Variants in EPHB1 observed in about 807,000 individuals in gnomAD.
EPHB1 encodes the protein EPH receptor B1.
EPHB1 carries 30 observed loss-of-function variants against 94.4 expected under a neutral mutation model. The ratio of observed to expected loss-of-function variants is 0.32; its 90% CI spans 0.24 to 0.43. The LOEUF (loss-of-function observed/expected upper bound fraction) is 0.43, where lower values mean the gene tolerates loss of function less well. Ranked by LOEUF, EPHB1 falls within the 20% of genes least tolerant of loss-of-function variation. The pLI is 1.00. For missense variants in EPHB1, 1,055 were observed against 1,308.3 expected (o/e 0.81, Z 2.99); for synonymous variants, 522 against 489.1 (o/e 1.07, Z -0.89).
At chr3:134,961,312 A>G (rs953191048) in intron 3 of EPHB1, among the ~76,000 whole-genome samples, 2 of 152,164 alleles carry the variant, frequency 1.3e-5, no homozygotes, top group African/African-American at 4.8e-5. Context: ...AAGGACAGCG[A>G]GTCAAGCACA....
intron 1 of EPHB1, among the ~76,000 whole-genome samples, chr3:134,801,015 A>T (rs555754081): frequency 6.6e-6 from 1 of 152,330 alleles, no homozygotes; most frequent in South Asian, 2.1e-4. Context: ...CTTTGCATGA[A>T]GGAAGACTCA....
intron 5 of EPHB1, among the ~76,000 whole-genome samples, chr3:135,141,347 T>C (rs1003332987): frequency 1.4e-4 from 22 of 152,140 alleles, no homozygotes; most frequent in African/African-American, 5.1e-4. Context: ...TTGTTGTTTA[T>C]GTGCTTAGGC....
intron 2 of EPHB1, among the ~76,000 whole-genome samples, chr3:134,943,095 C>T (rs906076636): frequency 2.0e-5 from 3 of 152,188 alleles, no homozygotes; most frequent in African/African-American, 7.2e-5. Flanking sequence ...CCAGCCCTGC[C>T]ATGGATCCAC....
chr3:135,050,279 A>G (rs1327126481), intron 3 of EPHB1, among the ~76,000 whole-genome samples: 2 of 152,220 alleles, frequency 1.3e-5, no homozygotes, highest in Non-Finnish European at 2.9e-5. Context: ...CTCTCTTGAA[A>G]ATGTAATGAC....
At chr3:135,242,455 G>A (rs1170745989) in intron 13 of EPHB1, among the ~76,000 whole-genome samples, 1 of 152,178 alleles carries the variant, frequency 6.6e-6, no homozygotes, top group African/African-American at 2.4e-5. Flanking sequence ...CATGGCAGCT[G>A]CTCGGAAGAT....
chr3:135,185,429 T>G (rs1372466112), intron 10 of EPHB1, among the ~76,000 whole-genome samples: 1 of 152,196 alleles, frequency 6.6e-6, no homozygotes, highest in Non-Finnish European at 1.5e-5. Flanking sequence ...TCCAGGAACA[T>G]AGTCAAAGTA....
chr3:134,821,801 G>A (rs1445675841), intron 1 of EPHB1, among the ~76,000 whole-genome samples: 1 of 152,146 alleles, frequency 6.6e-6, no homozygotes, highest in Non-Finnish European at 1.5e-5. Flanking sequence ...GGAGGCTGGG[G>A]GAGCCTGTGC....
intron 1 of EPHB1, among the ~76,000 whole-genome samples, chr3:134,859,583 A>G (rs11716854): frequency 0.084 from 12,763 of 152,164 alleles, 553 homozygotes; most frequent in Non-Finnish European, 0.1. Context: ...TGGAACCTAC[A>G]GTGGCTAGTC....
chr3:134,910,558 T>G (rs1440098274), intron 1 of EPHB1, among the ~76,000 whole-genome samples: 1 of 152,168 alleles, frequency 6.6e-6, no homozygotes, highest in Non-Finnish European at 1.5e-5. Context: ...TTTACCAGAG[T>G]ACTCTCCAGA....
intron 4 of EPHB1, among the ~76,000 whole-genome samples, chr3:135,117,656 C>G (rs897662682): frequency 1.3e-5 from 2 of 152,198 alleles, no homozygotes; most frequent in African/African-American, 4.8e-5. Flanking sequence ...GTCAATCTGT[C>G]CCCCCTTCCC....
intron 5 of EPHB1, among the ~76,000 whole-genome samples, chr3:135,143,582 A>G (rs150203977): frequency 1.8e-4 from 28 of 152,316 alleles, no homozygotes; most frequent in Non-Finnish European, 3.8e-4. Context: ...ACTGCCGTTC[A>G]TGATCAATCA....
chr3:135,157,631 TG>T (rs1449307919), intron 6 of EPHB1, among the ~76,000 whole-genome samples: 1 of 152,218 alleles, frequency 6.6e-6, no homozygotes, highest in Admixed American at 6.5e-5. Flanking sequence ...GAAGGTTCTT[TG>T]GGCAAATATT....
chr3:134,924,712 C>G (rs938444470), intron 1 of EPHB1, among the ~76,000 whole-genome samples: 1 of 152,148 alleles, frequency 6.6e-6, no homozygotes, highest in African/African-American at 2.4e-5. Flanking sequence ...GAGTATTACT[C>G]AGCAATAAAA....
chr3:135,061,375 C>CCA (rs1553727859), intron 3 of EPHB1, among the ~76,000 whole-genome samples: 2 of 137,890 alleles, frequency 1.5e-5, no homozygotes, highest in South Asian at 2.7e-4. Context: ...ACCACCCCCC[C>CCA]CGACCCAAGT....
intron 3 of EPHB1, among the ~76,000 whole-genome samples, chr3:134,998,783 G>A (rs553219586): frequency 1.3e-5 from 2 of 152,166 alleles, no homozygotes; most frequent in Non-Finnish European, 2.9e-5. Context: ...CATCAACAGT[G>A]CCTAACACAG....
At chr3:135,154,313 GGCCAGCCACTGTTCCATGGATGGTT>G (rs772046496) in intron 6 of EPHB1, 37 bp downstream of exon 6, 2 of 1,612,490 alleles carry the variant, frequency 1.2e-6, no homozygotes, top group African/African-American at 2.7e-5. Context: ...CAAGACCCAA[GGCCAGCCACTGTTCCATGGATGGTT>G]GCTAGCTGAA....
intron 2 of EPHB1, among the ~76,000 whole-genome samples, chr3:134,927,518 A>G (rs140927642): frequency 5.9e-5 from 9 of 152,362 alleles, no homozygotes; most frequent in African/African-American, 2.2e-4. Context: ...ATGAGGCAGC[A>G]GTTCTTCCAT....
chr3:135,055,816 C>T (rs1576350331), intron 3 of EPHB1, among the ~76,000 whole-genome samples: 2 of 152,320 alleles, frequency 1.3e-5, no homozygotes. Flanking sequence ...AGGGTGAAGG[C>T]TGTCACCACA....
intron 1 of EPHB1, among the ~76,000 whole-genome samples, chr3:134,874,540 A>G (rs1179380913): frequency 6.6e-6 from 1 of 152,232 alleles, no homozygotes; most frequent in East Asian, 1.9e-4. Context: ...CACTTGAAAT[A>G]TCGGCAACAG....
Sources: gnomAD v4.1 joint callset for allele counts (sites outside exome capture counted in the v4.1 genomes callset) on GRCh38, gnomAD v4.1.1 for gene constraint, MANE v1.5 for transcripts, NCBI Gene and HGNC (gene_info 2026-07-23, HGNC 2026-07-21) for gene names.